Variants in EPHB1 observed in about 807,000 individuals in gnomAD.
EPHB1 encodes EPH receptor B1.
Under a neutral mutation model 94.4 loss-of-function variants are expected in EPHB1, and 30 were observed. That is an observed-to-expected ratio of 0.32 (90% confidence interval 0.24 to 0.43). EPHB1 has a LOEUF of 0.43. Ranked by LOEUF, EPHB1 falls within the 20% of genes least tolerant of loss-of-function variation. EPHB1 has a pLI of 1.00. For missense variants in EPHB1, 1,055 were observed against 1,308.3 expected (o/e 0.81, Z 2.99); for synonymous variants, 522 against 489.1 (o/e 1.07, Z -0.89).
At chr3:135,001,421 T>C (rs905635371) in intron 3 of EPHB1, among the ~76,000 whole-genome samples, 2 of 152,298 alleles carry the variant, frequency 1.3e-5, no homozygotes, top group Middle Eastern at 3.4e-3. Flanking sequence ...GGCTGTTCTA[T>C]AGCCTCATGG....
chr3:134,937,644 TGAAGG>T (rs1309985290), intron 2 of EPHB1, among the ~76,000 whole-genome samples: 17 of 152,338 alleles, frequency 1.1e-4, no homozygotes, highest in Non-Finnish European at 2.2e-4. Flanking sequence ...CCCGCCAAGC[TGAAGG>T]GAAATGCCAT....
chr3:135,162,894 C>T (rs1306887850), intron 7 of EPHB1, among the ~76,000 whole-genome samples: 1 of 152,160 alleles, frequency 6.6e-6, no homozygotes, highest in Non-Finnish European at 1.5e-5. Flanking sequence ...GTGCCTACCA[C>T]TTTCTCTCTC....
intron 10 of EPHB1, among the ~76,000 whole-genome samples, chr3:135,188,398 G>A (rs113485541): frequency 0.024 from 3,616 of 152,234 alleles, 80 homozygotes; most frequent in South Asian, 0.073. Context: ...GGGAGGCTGA[G>A]GCAGGAGAAT....
At chr3:134,800,346 A>G (rs1017270586) in intron 1 of EPHB1, among the ~76,000 whole-genome samples, 2 of 152,248 alleles carry the variant, frequency 1.3e-5, no homozygotes, top group East Asian at 1.9e-4. Flanking sequence ...AAAATAATAT[A>G]TAGCTAATCC....
chr3:135,176,291 ATTTGTTAGACCAATGATTCACTT>A (rs892688172), intron 9 of EPHB1, among the ~76,000 whole-genome samples: 3 of 152,212 alleles, frequency 2.0e-5, no homozygotes, highest in Non-Finnish European at 2.9e-5. Context: ...AGTTTGAGCC[ATTTGTTAGACCAATGATTCACTT>A]TTTCAGTTTC....
intron 3 of EPHB1, among the ~76,000 whole-genome samples, chr3:134,959,944 A>C: frequency 7.7e-6 from 1 of 129,258 alleles, no homozygotes. Flanking sequence ...TTCCTGCAGA[A>C]TTTGAGCACA....
intron 1 of EPHB1, among the ~76,000 whole-genome samples, chr3:134,839,419 C>G (rs2036736941): frequency 6.6e-6 from 1 of 152,156 alleles, no homozygotes; most frequent in South Asian, 2.1e-4. Context: ...TGTTATCTTT[C>G]ACTGCTGTGA....
intron 5 of EPHB1, among the ~76,000 whole-genome samples, chr3:135,135,765 A>T (rs1157467657): frequency 6.6e-6 from 1 of 152,188 alleles, no homozygotes; most frequent in Non-Finnish European, 1.5e-5. Context: ...GACCAAGAGG[A>T]GTCCTGGGAT....
chr3:135,129,274 G>A (rs1446744074), intron 4 of EPHB1, among the ~76,000 whole-genome samples: 1 of 152,128 alleles, frequency 6.6e-6, no homozygotes, highest in Non-Finnish European at 1.5e-5. Flanking sequence ...CAGACATGGA[G>A]CAGCATCGAC....
chr3:134,952,668 G>T (rs1039187091), intron 3 of EPHB1, among the ~76,000 whole-genome samples: 1 of 152,184 alleles, frequency 6.6e-6, no homozygotes, highest in Non-Finnish European at 1.5e-5. Flanking sequence ...ATGGGAGTGG[G>T]ACTGTATCAT....
At chr3:134,829,041 G>A (rs2036535212) in intron 1 of EPHB1, among the ~76,000 whole-genome samples, 1 of 152,200 alleles carries the variant, frequency 6.6e-6, no homozygotes, top group South Asian at 2.1e-4. Context: ...TTCCTTCTCT[G>A]AGTAGATGAA....
At chr3:135,202,207 G>A (rs1942776432) in intron 12 of EPHB1, among the ~76,000 whole-genome samples, 1 of 152,088 alleles carries the variant, frequency 6.6e-6, no homozygotes, top group Non-Finnish European at 1.5e-5. Context: ...TCTACATTCT[G>A]AGCAGCTCTA....
chr3:135,230,712 TC>T (rs1943514556), intron 12 of EPHB1, among the ~76,000 whole-genome samples: 1 of 152,078 alleles, frequency 6.6e-6, no homozygotes, highest in African/African-American at 2.4e-5. Flanking sequence ...AACCCATGCC[TC>T]CCTCCCTCCC....
At chr3:134,948,739 T>G (rs1260087736) in intron 2 of EPHB1, among the ~76,000 whole-genome samples, 2 of 152,232 alleles carry the variant, frequency 1.3e-5, no homozygotes, top group African/African-American at 4.8e-5. Context: ...GTGTGGACTG[T>G]GGATGCGCCA....
At chr3:135,182,479 G>A (rs1036690772) in intron 10 of EPHB1, among the ~76,000 whole-genome samples, 20 of 152,178 alleles carry the variant, frequency 1.3e-4, no homozygotes, top group Non-Finnish European at 2.4e-4. Context: ...TTCCAGAGGC[G>A]AATAAACAGA....
chr3:135,183,214 T>TCCTC (rs1204320460), intron 10 of EPHB1, among the ~76,000 whole-genome samples: 273 of 138,608 alleles, frequency 2.0e-3, no homozygotes, highest in South Asian at 0.011. Context: ...CTCCCTCCCT[T>TCCTC]CCTCCCTCCC....
chr3:134,888,094 C>T (rs1446121177), intron 1 of EPHB1, among the ~76,000 whole-genome samples: 6 of 152,126 alleles, frequency 3.9e-5, no homozygotes, highest in South Asian at 2.1e-4. Context: ...TCCTTGAAAA[C>T]GGGTGGCGAG....
intron 3 of EPHB1, among the ~76,000 whole-genome samples, chr3:134,958,348 C>T (rs1933360381): frequency 6.6e-6 from 1 of 152,002 alleles, no homozygotes; most frequent in African/African-American, 2.4e-5. Flanking sequence ...TTGCTGGTCC[C>T]AGCTCTGGGT....
At position 135,179,889 on chromosome 3, in the gene EPHB1, C is replaced by T. The variant is rs1274590250; in HGVS notation, c.1789C>T (p.Pro597Ser). 6.2e-7 allele frequency: 1 copy of T among 1,613,888 alleles called. No individual in the cohort carries two copies. Among genetic ancestry groups the T allele is most frequent in the Non-Finnish European group, 8.5e-7 (1 of 1,179,824 alleles). ...CCCAGGGATGAAGATCTACATTGAC[C>T]CCTTCACTTACGAGGATCCCAACGA... ...GSPGMKIYID[P>S]FTYEDPNEAV... is the part of the protein sequence containing the mutation. The change falls in exon 10 of 16, where the codon CCC becomes TCC. Residue 597 changes from proline (P) to serine (S), a missense_variant. Physicochemically the swap from Pro to Ser is moderately conservative, Grantham distance 74. Transcript: ENST00000398015.
Sources: gnomAD v4.1 joint callset for allele counts (sites outside exome capture counted in the v4.1 genomes callset) on GRCh38, gnomAD v4.1.1 for gene constraint, MANE v1.5 for transcripts, NCBI Gene and HGNC (gene_info 2026-07-23, HGNC 2026-07-21) for gene names.